Variants in CDC42BPA observed in about 807,000 individuals in gnomAD.
CDC42BPA encodes the protein serine/threonine-protein kinase MRCK alpha.
In CDC42BPA, 80 loss-of-function variants were observed where a neutral mutation model predicts 223.5. The ratio of observed to expected loss-of-function variants is 0.36; its 90% CI spans 0.30 to 0.43. CDC42BPA has a LOEUF of 0.43. Among genes scored for constraint, CDC42BPA ranks in the 20% least tolerant of loss-of-function variants. CDC42BPA has a pLI of 1.00. For missense variants in CDC42BPA, 1,743 were observed against 2,099.9 expected, an observed-to-expected ratio of 0.83 and a Z score of 3.32; for synonymous variants, 694 against 718.6, an observed-to-expected ratio of 0.97 and a Z score of 0.55.
chr1:227,295,493 C>T (rs115058698), intron 1 of CDC42BPA, among the ~76,000 whole-genome samples: 9,103 of 152,160 alleles, frequency 0.06, 274 homozygotes, highest in Non-Finnish European at 0.073. Flanking sequence ...AGTATAGTTC[C>T]AGCAATTCTG....
intron 5 of CDC42BPA, among the ~76,000 whole-genome samples, chr1:227,172,671 G>T (rs1666297901): frequency 6.6e-6 from 1 of 151,826 alleles, no homozygotes; most frequent in Non-Finnish European, 1.5e-5. Flanking sequence ...TAGTATAGTT[G>T]GGGGAAACTG....
intron 2 of CDC42BPA, among the ~76,000 whole-genome samples, chr1:227,216,724 G>A (rs1020092660): frequency 4.6e-5 from 7 of 152,158 alleles, no homozygotes; most frequent in Middle Eastern, 3.2e-3. Flanking sequence ...ATATAACAGT[G>A]TAGTCTGTTA....
intron 12 of CDC42BPA, 128 bp from the exon 13 acceptor site, chr1:227,113,041 TAAACTACTTC>T: frequency 1.2e-6 from 1 of 826,372 alleles, no homozygotes. Flanking sequence ...TTAAAAGAAA[TAAACTACTTC>T]TGAACAGATA....
chr1:227,024,369 T>C (rs1314721751), intron 31 of CDC42BPA, among the ~76,000 whole-genome samples: 1 of 152,184 alleles, frequency 6.6e-6, no homozygotes, highest in Non-Finnish European at 1.5e-5. Flanking sequence ...GATGGGAGTA[T>C]TGGTTGGTAC....
intron 1 of CDC42BPA, among the ~76,000 whole-genome samples, chr1:227,300,259 A>AT (rs1413231355): frequency 4.6e-5 from 7 of 152,160 alleles, no homozygotes; most frequent in South Asian, 4.1e-4. Context: ...CTGTATGGAG[A>AT]TTTTTTAAAG....
chr1:227,062,536 G>C (rs7538237), intron 21 of CDC42BPA, among the ~76,000 whole-genome samples: 1 of 151,972 alleles, frequency 6.6e-6, no homozygotes, highest in Non-Finnish European at 1.5e-5. Flanking sequence ...TATGCTTAAG[G>C]GCAGGAAATA....
At position 227,168,497 on chromosome 1, in the gene CDC42BPA, GT is replaced by G. The variant is rs1292387936; in HGVS notation, c.600-7862del. ...CTTTTTCATATTTATCTTCCCTGGT[GT>G]TTTTTTTTTTTTTTTGAGGCAGAGT... On this transcript the variant is annotated intron_variant, in intron 5 of 36. Transcript: ENST00000366766. 1.1e-3 allele frequency among the ~76,000 whole-genome samples: 87 copies of G among 80,210 alleles called. 4 individuals are homozygous for G. Among genetic ancestry groups the G allele is most frequent in the Non-Finnish European group, 1.6e-3 (66 of 42,208 alleles). The allele number at this position is 80,210 out of a possible 152,430, so 52.6% of individuals were successfully genotyped here.
At chr1:227,042,897 A>G (rs1671675664) in intron 23 of CDC42BPA, among the ~76,000 whole-genome samples, 1 of 152,106 alleles carries the variant, frequency 6.6e-6, no homozygotes, top group Non-Finnish European at 1.5e-5. Flanking sequence ...GTTCTTTTCT[A>G]CTCTGATTTT....
At chr1:227,206,384 A>T (rs1234486184) in intron 3 of CDC42BPA, among the ~76,000 whole-genome samples, 1 of 152,166 alleles carries the variant, frequency 6.6e-6, no homozygotes, top group Non-Finnish European at 1.5e-5. Flanking sequence ...CTGCCCAGGT[A>T]TAGAAAAGAG....
At chr1:227,148,405 T>C (rs1042184424) in intron 6 of CDC42BPA, among the ~76,000 whole-genome samples, 9 of 152,182 alleles carry the variant, frequency 5.9e-5, no homozygotes, top group African/African-American at 2.2e-4. Context: ...GAAGAACTTA[T>C]CCAAAACATG....
rs1660599178 is a variant in CDC42BPA at position 226,990,423 on chromosome 1, GA to G, written c.*3844del. ...CTTGAGTAACAAAGTCATAAGGAAA[GA>G]GATTTTAAAATGGGCTCCATGAAAT... On this transcript the variant is annotated 3_prime_UTR_variant, in exon 37 of 37. Coordinates refer to ENST00000366766, the MANE Select transcript of CDC42BPA (RefSeq NM_001394014.1). 1.3e-5 allele frequency: 2 copies of G among 152,244 alleles called. No individual in the cohort carries two copies. The highest frequency in any genetic ancestry group is 1.3e-4 in the Admixed American group (2 of 15,268). The allele number at this position is 152,244 out of a possible 1,614,324, so 9.4% of individuals were successfully genotyped here. A position where few individuals can be genotyped will look rare whatever the true frequency, so the allele number is the denominator to read the frequency against.
At chr1:227,125,627 G>A (rs961611883) in intron 11 of CDC42BPA, among the ~76,000 whole-genome samples, 3 of 145,596 alleles carry the variant, frequency 2.1e-5, no homozygotes, top group African/African-American at 7.6e-5. Context: ...AAAAAAGAGT[G>A]ATGTCAGAAA....
intron 2 of CDC42BPA, among the ~76,000 whole-genome samples, chr1:227,224,416 G>C (rs1245070931): frequency 6.6e-6 from 1 of 151,986 alleles, no homozygotes; most frequent in Non-Finnish European, 1.5e-5. Context: ...ATGTTTAGTA[G>C]AGATGGGGTT....
chr1:227,142,905 A>G (rs1353263327), intron 9 of CDC42BPA, 40 bp downstream of exon 9: 3 of 1,397,180 alleles, frequency 2.1e-6, no homozygotes, highest in Non-Finnish European at 2.9e-6. Context: ...GGCGTGAGCC[A>G]CTGCACTTGG....
intron 5 of CDC42BPA, among the ~76,000 whole-genome samples, chr1:227,163,640 A>C (rs1380231883): frequency 1.3e-5 from 2 of 151,298 alleles, no homozygotes; most frequent in East Asian, 3.9e-4. Context: ...GATTCTATTT[A>C]CTCGAACTTA....
chr1:227,243,068 A>T (rs147645940), intron 2 of CDC42BPA, among the ~76,000 whole-genome samples: 9 of 152,358 alleles, frequency 5.9e-5, no homozygotes, highest in African/African-American at 1.4e-4. Context: ...AAACTAACAC[A>T]GGAACAGAAA....
At chr1:227,239,569 T>TA (rs1205882143) in intron 2 of CDC42BPA, among the ~76,000 whole-genome samples, 1 of 152,110 alleles carries the variant, frequency 6.6e-6, no homozygotes, top group East Asian at 1.9e-4. Flanking sequence ...GCTGTGAACT[T>TA]AAAACTGCTC....
intron 11 of CDC42BPA, among the ~76,000 whole-genome samples, chr1:227,122,331 G>GT (rs943402635): frequency 4.6e-5 from 7 of 152,120 alleles, no homozygotes; most frequent in African/African-American, 1.7e-4. Context: ...CTAACATGTT[G>GT]TTTTTTCAGA....
intron 2 of CDC42BPA, among the ~76,000 whole-genome samples, chr1:227,231,815 A>C (rs979567336): frequency 3.9e-5 from 6 of 152,198 alleles, no homozygotes; most frequent in Admixed American, 6.5e-5. Context: ...TCCTTTGCCC[A>C]CTTTTTGATG....
Sources: allele counts gnomAD v4.1 joint callset (sites outside exome capture counted in the v4.1 genomes callset), GRCh38; gene constraint gnomAD v4.1.1; transcripts MANE v1.5; gene names NCBI Gene and HGNC (gene_info 2026-07-23, HGNC 2026-07-21).